Variants in FHIT observed in about 807,000 individuals in gnomAD.
FHIT encodes fragile histidine triad diadenosine triphosphatase, also known as bis(5'-adenosyl)-triphosphatase.
FHIT carries 19 observed loss-of-function variants against 17.9 expected under a neutral mutation model. The ratio of observed to expected loss-of-function variants is 1.06; its 90% CI spans 0.74 to 1.56. The LOEUF is 1.56. Ranked by LOEUF, FHIT falls within the 40% of genes most tolerant of loss-of-function variation. The pLI is 0.00. For missense variants in FHIT, 248 were observed against 189.2 expected (o/e 1.31, Z -1.82); for synonymous variants, 81 against 69.7 (o/e 1.16, Z -0.81).
At chr3:60,156,056 AAAAAAGATCATTTAG>A (rs1700674753) in intron 5 of FHIT, among the ~76,000 whole-genome samples, 1 of 152,156 alleles carries the variant, frequency 6.6e-6, no homozygotes, top group African/African-American at 2.4e-5. Flanking sequence ...ATAACACTAT[AAAAAAGATCATTTAG>A]GGCCGGGTGT....
At chr3:61,215,944 G>A (rs1347817044) in intron 1 of FHIT, among the ~76,000 whole-genome samples, 1 of 151,726 alleles carries the variant, frequency 6.6e-6, no homozygotes, top group East Asian at 1.9e-4. Context: ...CTAGCCATAT[G>A]TAGAAAGCTG....
intron 4 of FHIT, among the ~76,000 whole-genome samples, chr3:60,670,163 T>G (rs2040475613): frequency 6.6e-6 from 1 of 152,232 alleles, no homozygotes; most frequent in South Asian, 2.1e-4. Flanking sequence ...TTCTAATGAT[T>G]GATTTTATAC....
At chr3:59,885,297 A>C (rs572288686) in intron 8 of FHIT, among the ~76,000 whole-genome samples, 1 of 152,186 alleles carries the variant, frequency 6.6e-6, no homozygotes, top group African/African-American at 2.4e-5. Context: ...ATATTGCTGA[A>C]GAAACAGGAA....
chr3:60,351,422 G>A (rs895411939), intron 5 of FHIT, among the ~76,000 whole-genome samples: 1 of 152,110 alleles, frequency 6.6e-6, no homozygotes. Flanking sequence ...AACTTTATAT[G>A]CAGAAAATGA....
At chr3:61,042,678 A>C (rs571536924) in intron 2 of FHIT, among the ~76,000 whole-genome samples, 3 of 152,032 alleles carry the variant, frequency 2.0e-5, no homozygotes, top group African/African-American at 4.8e-5. Context: ...GTCTCTACTA[A>C]AAATACAAAA....
intron 5 of FHIT, among the ~76,000 whole-genome samples, chr3:60,495,555 T>C (rs995827002): frequency 1.3e-5 from 2 of 152,080 alleles, no homozygotes; most frequent in South Asian, 2.1e-4. Flanking sequence ...CATTGGAACT[T>C]GATTCTACAT....
At chr3:60,315,512 T>C (rs1389548203) in intron 5 of FHIT, among the ~76,000 whole-genome samples, 3 of 152,180 alleles carry the variant, frequency 2.0e-5, no homozygotes, top group Non-Finnish European at 4.4e-5. Context: ...ACAAGTTTTG[T>C]CAGTTCTTGA....
chr3:60,842,338 C>T (rs1476135340), intron 3 of FHIT, among the ~76,000 whole-genome samples: 1 of 151,308 alleles, frequency 6.6e-6, no homozygotes. Flanking sequence ...GTATTGATCT[C>T]CCACCAGAAA....
intron 5 of FHIT, among the ~76,000 whole-genome samples, chr3:60,133,925 C>A (rs1387538909): frequency 6.6e-6 from 1 of 151,334 alleles, no homozygotes; most frequent in African/African-American, 2.4e-5. Flanking sequence ...GCTTGTCATT[C>A]AATCTAAAAT....
intron 5 of FHIT, among the ~76,000 whole-genome samples, chr3:60,353,807 C>G (rs778428635): frequency 6.6e-6 from 1 of 152,006 alleles, no homozygotes; most frequent in Admixed American, 6.6e-5. Flanking sequence ...GAGACAGACA[C>G]ACTTTCAAAA....
intron 4 of FHIT, among the ~76,000 whole-genome samples, chr3:60,627,916 T>C (rs2039336186): frequency 6.6e-6 from 1 of 152,236 alleles, no homozygotes; most frequent in Admixed American, 6.5e-5. Context: ...TTGTTCATCT[T>C]TTGAACCAAC....
intron 5 of FHIT, among the ~76,000 whole-genome samples, chr3:60,167,109 G>A (rs992753308): frequency 6.6e-6 from 1 of 152,066 alleles, no homozygotes; most frequent in African/African-American, 2.4e-5. Flanking sequence ...CTCAAAGACT[G>A]TCTTTCCCCC....
At chr3:60,513,068 A>G (rs2035010007) in intron 5 of FHIT, among the ~76,000 whole-genome samples, 1 of 152,196 alleles carries the variant, frequency 6.6e-6, no homozygotes, top group Non-Finnish European at 1.5e-5. Context: ...GTTGTGTAGG[A>G]ATGTTTCCTT....
At chr3:60,561,436 C>G (rs1015507313) in intron 4 of FHIT, among the ~76,000 whole-genome samples, 1 of 151,670 alleles carries the variant, frequency 6.6e-6, no homozygotes, top group African/African-American at 2.4e-5. Context: ...AGAATAAGAG[C>G]TAGTCAAAGA....
At chr3:61,085,300 C>T (rs1575984580) in intron 2 of FHIT, among the ~76,000 whole-genome samples, 2 of 152,234 alleles carry the variant, frequency 1.3e-5, no homozygotes, top group East Asian at 3.9e-4. Flanking sequence ...ATATCTTCAC[C>T]AGCACTTCTT....
intron 5 of FHIT, among the ~76,000 whole-genome samples, chr3:60,055,615 A>C (rs2106901722): frequency 6.6e-6 from 1 of 152,294 alleles, no homozygotes; most frequent in Non-Finnish European, 1.5e-5. Context: ...TTTTCTAGGC[A>C]CTGGCCACGT....
chr3:60,876,241 G>C (rs574345779), intron 3 of FHIT, among the ~76,000 whole-genome samples: 1 of 152,018 alleles, frequency 6.6e-6, no homozygotes, highest in Non-Finnish European at 1.5e-5. Flanking sequence ...GTTGAGTTTA[G>C]GTAATGGAAC....
At chr3:60,790,078 T>C (rs1216774355) in intron 4 of FHIT, among the ~76,000 whole-genome samples, 1 of 152,252 alleles carries the variant, frequency 6.6e-6, no homozygotes, top group South Asian at 2.1e-4. Flanking sequence ...AATGGATTTT[T>C]AAAAGATTTA....
chr3:60,409,916 T>C (rs1702002630), intron 5 of FHIT, among the ~76,000 whole-genome samples: 2 of 152,298 alleles, frequency 1.3e-5, no homozygotes, highest in African/African-American at 4.8e-5. Context: ...ATTCCATCTG[T>C]TTAAAAGCTT....
Sources: allele counts gnomAD v4.1 joint callset (sites outside exome capture counted in the v4.1 genomes callset), GRCh38; gene constraint gnomAD v4.1.1; transcripts MANE v1.5; gene names NCBI Gene and HGNC (gene_info 2026-07-23, HGNC 2026-07-21).